Variants in ARSG observed in about 807,000 individuals in gnomAD.
ARSG encodes the protein ASG.
A neutral mutation model predicts 50.5 loss-of-function variants in ARSG; 37 were observed. The ratio of observed to expected loss-of-function variants is 0.73; its 90% CI spans 0.56 to 0.96. ARSG has a LOEUF of 0.96. Among genes scored for constraint, ARSG ranks in the 50% least tolerant of loss-of-function variants. The probability of loss-of-function intolerance (pLI) is 0.00; values close to 1 mark genes in which losing one functional copy is unlikely to be tolerated. For missense variants in ARSG, 629 were observed against 675.3 expected (o/e 0.93, Z 0.76); for synonymous variants, 225 against 254.6 (o/e 0.88, Z 1.11).
At position 68,330,209 on chromosome 17, in the gene ARSG, C is replaced by CA. The variant is rs553349680; in HGVS notation, c.219-13384dup. ...TGGGTGGCAGAGTGAGGCTCCATCT[C>CA]AAAAAAAAAAAGAAAAAGAAAAAGT... On this transcript the variant is annotated intron_variant, in intron 2 of 11. Transcript: ENST00000621439. 5.0e-3 allele frequency among the ~76,000 whole-genome samples: 646 copies of CA among 129,856 alleles called. 1 individual carries two copies. The highest frequency in any genetic ancestry group is 7.8e-3 in the East Asian group (35 of 4,484). 85.2% of individuals were successfully genotyped at this position (129,856 alleles called of 152,430 possible). A position where few individuals can be genotyped will look rare whatever the true frequency, so the allele number is the denominator to read the frequency against.
At chr17:68,435,631 C>T in the ARSG span, 2 of 1,614,162 alleles carry the variant, frequency 1.2e-6, no homozygotes, top group Non-Finnish European at 1.7e-6. Flanking sequence ...TTTTCAGACG[C>T]ACTTGCTAGT....
intron 1 of ARSG, chr17:68,269,104 G>A: frequency 6.6e-7 from 1 of 1,522,304 alleles, no homozygotes; most frequent in Non-Finnish European, 8.8e-7. Context: ...TGTCATACCG[G>A]CTCCATTTGC....
At chr17:68,315,737 A>T (rs762575572) in intron 2 of ARSG, among the ~76,000 whole-genome samples, 10 of 152,092 alleles carry the variant, frequency 6.6e-5, no homozygotes, top group Non-Finnish European at 1.3e-4. Context: ...GGTTCAAGTG[A>T]TTCTCCTGCC....
chr17:68,278,401 A>C, intron 1 of ARSG: 1 of 889,948 alleles, frequency 1.1e-6, no homozygotes, highest in Non-Finnish European at 1.8e-6. Context: ...TCTTAAGCAA[A>C]CAACAGATAA....
chr17:68,446,611 CCAAT>C, the ARSG span, among the ~76,000 whole-genome samples: 1 of 152,220 alleles, frequency 6.6e-6, no homozygotes, highest in Non-Finnish European at 1.5e-5. Flanking sequence ...TCTGACTTAT[CCAAT>C]CACTGTGCCT....
chr17:68,434,296 C>A, the ARSG span, among the ~76,000 whole-genome samples: 23 of 152,334 alleles, frequency 1.5e-4, no homozygotes, highest in African/African-American at 5.5e-4. Context: ...CTGGCTCTCT[C>A]ATTTCTCCTG....
At chr17:68,304,776 C>T (rs1403912451) in intron 1 of ARSG, among the ~76,000 whole-genome samples, 4 of 152,186 alleles carry the variant, frequency 2.6e-5, no homozygotes, top group African/African-American at 4.8e-5. Flanking sequence ...GTAATCCTTC[C>T]GCCTCGGCCT....
chr17:68,336,849 C>G (rs1452606909), intron 2 of ARSG, among the ~76,000 whole-genome samples: 1 of 152,006 alleles, frequency 6.6e-6, no homozygotes, highest in Non-Finnish European at 1.5e-5. Context: ...GAATGAGACT[C>G]TGTCTCAAAT....
At chr17:68,398,202 CTATA>C (rs2081329610) in intron 10 of ARSG, among the ~76,000 whole-genome samples, 2 of 152,160 alleles carry the variant, frequency 1.3e-5, no homozygotes, top group South Asian at 4.1e-4. Context: ...ATGCATGTGT[CTATA>C]TAAACATACA....
chr17:68,276,861 A>T (rs1555751136), intron 1 of ARSG, among the ~76,000 whole-genome samples: 1 of 152,218 alleles, frequency 6.6e-6, no homozygotes, highest in African/African-American at 2.4e-5. Flanking sequence ...TATATTCAAT[A>T]GCCCTTTATA....
chr17:68,321,474 G>A (rs544128550), intron 2 of ARSG, among the ~76,000 whole-genome samples: 35 of 152,232 alleles, frequency 2.3e-4, no homozygotes, highest in African/African-American at 7.7e-4. Flanking sequence ...CACAAAGGCC[G>A]CAGCAAAAGA....
Position 68,327,125 on chromosome 17 carries a change from A to G in ARSG, c.219-16479A>G, listed in dbSNP as rs562428732. ...AGGACAAGTAGGAGTTTGGAAGGGC[A>G]AGAAGAGGGTAATGCATTATTTAGC... On this transcript the variant is annotated intron_variant, in intron 2 of 11. Transcript: ENST00000621439. 1.1e-4 allele frequency among the ~76,000 whole-genome samples: 17 copies of G among 152,244 alleles called. No homozygotes were observed. In the South Asian group the frequency reaches 2.1e-3, roughly 19 times the overall value.
chr17:68,393,006 C>A (rs115845741), intron 9 of ARSG, among the ~76,000 whole-genome samples: 1 of 152,168 alleles, frequency 6.6e-6, no homozygotes, highest in Non-Finnish European at 1.5e-5. Flanking sequence ...ACAGGTAGAA[C>A]GCCTCAGTTC....
chr17:68,344,980 G>T (rs982966454), intron 3 of ARSG, among the ~76,000 whole-genome samples: 1 of 152,216 alleles, frequency 6.6e-6, no homozygotes, highest in Admixed American at 6.5e-5. Flanking sequence ...CTGGAGTGCG[G>T]CATTCTTTGT....
intron 1 of ARSG, chr17:68,267,516 A>T (rs1319092710): frequency 1.3e-5 from 2 of 152,246 alleles, no homozygotes; most frequent in Non-Finnish European, 2.9e-5. Context: ...GCAGAGAAAT[A>T]TTCAAGCTTG....
chr17:68,437,007 T>A, the ARSG span, among the ~76,000 whole-genome samples: 29 of 138,658 alleles, frequency 2.1e-4, no homozygotes, highest in East Asian at 6.3e-4. Flanking sequence ...AAAAAAAAAA[T>A]ATATATATAT....
chr17:68,444,478 A>G, the ARSG span: 3 of 1,608,158 alleles, frequency 1.9e-6, no homozygotes. Context: ...CATTTGTTCC[A>G]TTTTTGGAGC....
chr17:68,261,787 G>A (rs1489130773), intron 1 of ARSG, among the ~76,000 whole-genome samples: 41 of 152,170 alleles, frequency 2.7e-4, no homozygotes, highest in Admixed American at 1.3e-4. Context: ...ACATCTCAGG[G>A]AAGGGAGTAC....
chr17:68,427,912 C>T, the ARSG span, among the ~76,000 whole-genome samples: 2 of 152,294 alleles, frequency 1.3e-5, no homozygotes, highest in East Asian at 1.9e-4. Flanking sequence ...TTTTTTGAGA[C>T]AGGGTCTCAC....
Sources: allele counts gnomAD v4.1 joint callset (sites outside exome capture counted in the v4.1 genomes callset), GRCh38; gene constraint gnomAD v4.1.1; transcripts MANE v1.5; gene names NCBI Gene and HGNC (gene_info 2026-07-23, HGNC 2026-07-21).